IRAG2: variants seen among roughly 807,000 people sequenced by gnomAD.
The protein encoded by IRAG2 is inositol 1,4,5-triphosphate receptor associated 2, also known as lymphoid restricted membrane protein.
A neutral mutation model predicts 69.9 loss-of-function variants in IRAG2; 45 were observed. That is an observed-to-expected ratio of 0.64 (90% CI 0.51 to 0.83). IRAG2 has a LOEUF of 0.83. IRAG2 is among the 40% of genes least tolerant of loss of function. IRAG2 has a pLI of 0.00. For missense variants in IRAG2, 520 were observed against 587.0 expected, an observed-to-expected ratio of 0.89 and a Z score of 1.18; for synonymous variants, 193 against 202.4, an observed-to-expected ratio of 0.95 and a Z score of 0.40.
At chr12:25,046,723 A>G (rs1668162066) in intron 16 of IRAG2, among the ~76,000 whole-genome samples, 1 of 152,208 alleles carries the variant, frequency 6.6e-6, no homozygotes, top group African/African-American at 2.4e-5. Context: ...AGATTGGAAG[A>G]GATCATGTTG....
chr12:25,039,555 C>A (rs1006802001), intron 16 of IRAG2, among the ~76,000 whole-genome samples: 2 of 152,174 alleles, frequency 1.3e-5, no homozygotes, highest in Non-Finnish European at 2.9e-5. Flanking sequence ...CTCAGCCTCC[C>A]GAGTAGCTGG....
At position 25,077,299 on chromosome 12, in the gene IRAG2, AATATATATG is replaced by A. The variant is rs534289702; in HGVS notation, c.25-1927_25-1919del. Among the ~76,000 whole-genome samples, 7 of 39,526 alleles carry A rather than the reference AATATATATG, an allele frequency of 1.8e-4. 1 individual carries two copies. Among genetic ancestry groups the A allele is most frequent in the African/African-American group, 6.0e-4 (6 of 9,988 alleles). 25.9% of individuals were successfully genotyped at this position (39,526 alleles called of 152,430 possible). ...TGAAATATATATGATATATATATGA[AATATATATG>A]ATATATATGATATATATATGATATA... On this transcript the variant is annotated intron_variant, in intron 6 of 21. Coordinates refer to ENST00000556887, the MANE Select transcript of IRAG2 (RefSeq NM_001366544.2).
At chr12:25,052,999 C>G (rs981729213) in intron 1 of IRAG2, 43 bp downstream of exon 1, 2 of 398,232 alleles carry the variant, frequency 5.0e-6, no homozygotes, top group Non-Finnish European at 8.9e-6. Flanking sequence ...TTTGTCCACC[C>G]TCAGGCGGGG....
intron 10 of IRAG2, among the ~76,000 whole-genome samples, chr12:25,085,921 C>T (rs944536579): frequency 1.3e-5 from 2 of 152,124 alleles, no homozygotes; most frequent in African/African-American, 4.8e-5. Flanking sequence ...TCCATAGATG[C>T]AAACCCACAA....
At chr12:25,046,941 C>T (rs1343397424) in intron 16 of IRAG2, among the ~76,000 whole-genome samples, 4 of 152,072 alleles carry the variant, frequency 2.6e-5, no homozygotes, top group African/African-American at 9.7e-5. Context: ...TACAAAGCTA[C>T]AGTAATTAAA....
rs183546155 is a variant in IRAG2, at chr12:25,034,539, A to T, written c.1743+592A>T. Among the ~76,000 whole-genome samples, 95 of 152,338 alleles carry T rather than the reference A, an allele frequency of 6.2e-4. 3 individuals carry two copies. In the East Asian group the frequency reaches 0.017, roughly 27 times the overall value. ...CCAGTACTTTATAACATGGGAAGAAATATTTTAAAAACCTTCTCGGGGATA... is the reference window on the plus strand; with the variant it reads ...CCAGTACTTTATAACATGGGAAGAATTATTTTAAAAACCTTCTCGGGGATA... On this transcript the variant is annotated intron_variant, in intron 13 of 38. Transcript: ENST00000636465.
At chr12:25,106,818 C>T (rs2140283629) in intron 20 of IRAG2, 125 bp from the exon 21 acceptor site, 2 of 375,808 alleles carry the variant, frequency 5.3e-6, no homozygotes, top group African/African-American at 2.1e-5. Context: ...TATTTATCGA[C>T]TTTCCCTAAA....
rs572175749 is a variant in IRAG2 at position 25,040,333 on chromosome 12, C to A, written c.2144+2196C>A. 3.3e-5 allele frequency among the ~76,000 whole-genome samples: 5 copies of A among 152,218 alleles called. No individual in the cohort carries two copies. The South Asian group carries it at 1.0e-3, about 32-fold the overall frequency. The stretch of plus-strand genomic sequence containing the variant: ...GACCTGCCTGGGCAACATAGCGAGA[C>A]CCTGTCTCTAAAAAAAATTTTAAAT... On this transcript the variant is annotated intron_variant, in intron 16 of 38. Coordinates refer to the IRAG2 transcript ENST00000636465.
At chr12:25,066,237 G>A (rs111314222) in intron 4 of IRAG2, 128 bp from the exon 5 acceptor site, 10 of 390,370 alleles carry the variant, frequency 2.6e-5, no homozygotes, top group African/African-American at 1.9e-4. Context: ...GGGAGTTTAT[G>A]TTAAAATGTG....
chr12:25,050,803 G>A (rs1326851447), upstream of IRAG2, among the ~76,000 whole-genome samples: 1 of 152,140 alleles, frequency 6.6e-6, no homozygotes, highest in Non-Finnish European at 1.5e-5. Flanking sequence ...CCTTTAAAAA[G>A]AAGGAAATTC....
chr12:25,078,980 A>G (rs1331471785), intron 6 of IRAG2, among the ~76,000 whole-genome samples: 1 of 152,208 alleles, frequency 6.6e-6, no homozygotes, highest in Non-Finnish European at 1.5e-5. Context: ...TGAGTTTAGA[A>G]TTTGTTTTGC....
At chr12:25,087,729 A>G (rs1057080970) in intron 10 of IRAG2, among the ~76,000 whole-genome samples, 1 of 152,168 alleles carries the variant, frequency 6.6e-6, no homozygotes, top group African/African-American at 2.4e-5. Context: ...GCCGCACAGC[A>G]GGAGGTGAGC....
intron 7 of IRAG2, among the ~76,000 whole-genome samples, chr12:25,022,087 G>A (rs949708361): frequency 2.6e-5 from 4 of 152,146 alleles, no homozygotes; most frequent in East Asian, 1.9e-4. Flanking sequence ...CTCTAAGCCC[G>A]TGGGTCCTCC....
At chr12:24,999,603 T>A (rs149108635), upstream of IRAG2, among the ~76,000 whole-genome samples, 12 of 152,282 alleles carry the variant, frequency 7.9e-5, no homozygotes, top group African/African-American at 2.9e-4. Flanking sequence ...CTCTAACAGA[T>A]TTATAGTTCC....
chr12:25,091,027 T>A (rs1464157505), intron 14 of IRAG2: 1 of 186,186 alleles, frequency 5.4e-6, no homozygotes, highest in Non-Finnish European at 1.2e-5. Context: ...TCCTTCCATA[T>A]GGTGAAGTTA....
chr12:25,092,014 C>T (rs1948095102), intron 14 of IRAG2, among the ~76,000 whole-genome samples: 1 of 152,204 alleles, frequency 6.6e-6, no homozygotes, highest in Non-Finnish European at 1.5e-5. Context: ...CTCCTGTAAT[C>T]CCAACACTTT....
intron 9 of IRAG2, among the ~76,000 whole-genome samples, chr12:25,028,241 C>A (rs1045520299): frequency 3.3e-5 from 5 of 152,090 alleles, no homozygotes; most frequent in African/African-American, 1.2e-4. Context: ...CTACGTTTAA[C>A]CTTTTAAGGA....
upstream of IRAG2, among the ~76,000 whole-genome samples, chr12:25,000,840 A>C (rs1944386660): frequency 6.6e-6 from 1 of 152,194 alleles, no homozygotes; most frequent in Non-Finnish European, 1.5e-5. Context: ...TCAGTTCTTA[A>C]TTTTCACTTA....
Position 25,090,270 on chromosome 12 carries a change from C to T in IRAG2, c.606+73C>T, listed in dbSNP as rs578074409. The T allele has an allele frequency of 6.2e-6, 9 of 1,441,970 alleles. No individual in the cohort carries two copies. The East Asian group carries it at 1.8e-4, about 29-fold the overall frequency. 89.3% of individuals were successfully genotyped at this position (1,441,970 alleles called of 1,614,324 possible). ...CAGTGGCTCACACCTATAATCCCTG[C>T]ACTTTGGGAGGCCAAGGCAGGAGGA... On this transcript the variant is annotated intron_variant, in intron 14 of 21. Transcript: ENST00000556887.
Sources: allele counts gnomAD v4.1 joint callset (sites outside exome capture counted in the v4.1 genomes callset), GRCh38; gene constraint gnomAD v4.1.1; transcripts MANE v1.5; gene names NCBI Gene and HGNC (gene_info 2026-07-23, HGNC 2026-07-21).